The following FAT1 variants were observed in gnomAD, a reference collection of about 807,000 sequenced individuals.
The protein encoded by FAT1 is FAT atypical cadherin 1.
FAT1 carries 171 observed loss-of-function variants against 329.8 expected under a neutral mutation model. The observed-to-expected ratio is 0.52, with a 90% CI of 0.46 to 0.59. FAT1 has a LOEUF of 0.59. Among genes scored for constraint, FAT1 ranks in the 20% least tolerant of loss-of-function variants. The pLI is 0.00. For synonymous variants in FAT1, 2,233 were observed against 2,228.6 expected (o/e 1.00, Z -0.06); for missense variants, 5,672 against 5,774.4 (o/e 0.98, Z 0.57).
intron 1 of FAT1, among the ~76,000 whole-genome samples, chr4:186,712,425 A>C (rs1745003377): frequency 1.3e-5 from 2 of 152,080 alleles, no homozygotes; most frequent in Non-Finnish European, 1.5e-5. Flanking sequence ...TTAATTATTT[A>C]ATTCCTTTTA....
Position 186,601,202 on chromosome 4 carries a change from T to A in FAT1, c.11640+67A>T, listed in dbSNP as rs1579298036. 1.2e-5 allele frequency: 17 copies of A among 1,382,346 alleles called. 2 individuals carry two copies. The East Asian group carries it at 4.0e-4, about 32-fold the overall frequency. 85.6% of individuals were successfully genotyped at this position (1,382,346 alleles called of 1,614,324 possible). On this transcript the variant is annotated intron_variant, in intron 21 of 26. Coordinates refer to ENST00000441802, the MANE Select transcript of FAT1 (RefSeq NM_005245.4). ...TTATTATCTGTGCAAATTAACAATC[T>A]GAATATAAAATGAAATTTATGGTTT...
chr4:186,657,750 T>C (rs1183287110), intron 3 of FAT1, among the ~76,000 whole-genome samples: 2 of 152,224 alleles, frequency 1.3e-5, no homozygotes, highest in African/African-American at 2.4e-5. Flanking sequence ...CCATGGTCTC[T>C]TCTAAAGGAC....
At chr4:186,657,764 CAT>C (rs555463173) in intron 3 of FAT1, among the ~76,000 whole-genome samples, 2 of 152,188 alleles carry the variant, frequency 1.3e-5, no homozygotes, top group South Asian at 2.1e-4. Flanking sequence ...AAAGGACACA[CAT>C]GTCTAAAAGT....
Position 186,633,382 on chromosome 4 carries a change from T to A in FAT1, c.4323+302A>T, listed in dbSNP as rs376002733. On this transcript the variant is annotated intron_variant, in intron 7 of 26. Transcript: ENST00000441802. Reference sequence around the variant, plus strand: ...TCATTCTCAACAGTGATGTACTTGATGTTAACATAGTTTAAAATGAGTGTA... The same window carrying A: ...TCATTCTCAACAGTGATGTACTTGAAGTTAACATAGTTTAAAATGAGTGTA... Among the ~76,000 whole-genome samples, 6 of 152,340 alleles carry A rather than the reference T, an allele frequency of 3.9e-5. No individual in the cohort carries two copies. In the South Asian group the frequency reaches 1.0e-3, roughly 26 times the overall value.
At chr4:186,634,360 A>C (rs753590423) in intron 6 of FAT1, among the ~76,000 whole-genome samples, 1 of 152,238 alleles carries the variant, frequency 6.6e-6, no homozygotes, top group Non-Finnish European at 1.5e-5. Flanking sequence ...TAATGAAACA[A>C]AAGTTTCTAT....
chr4:186,606,888 C>T (rs377375622), intron 16 of FAT1, among the ~76,000 whole-genome samples: 31 of 152,316 alleles, frequency 2.0e-4, no homozygotes, highest in Non-Finnish European at 4.1e-4. Flanking sequence ...TTCTACAGAA[C>T]GTTAGTCCTG....
At chr4:186,658,815 T>G (rs2126608287) in intron 3 of FAT1, among the ~76,000 whole-genome samples, 1 of 152,206 alleles carries the variant, frequency 6.6e-6, no homozygotes, top group East Asian at 1.9e-4. Context: ...AGTTTCCCAC[T>G]TCCACCGGAC....
At chr4:186,609,704 C>T in intron 15 of FAT1, 97 bp downstream of exon 15, 1 of 813,364 alleles carries the variant, frequency 1.2e-6, no homozygotes, top group South Asian at 1.7e-5. Context: ...AAAATATTTA[C>T]AAAGGCCGCT....
chr4:186,638,638 CACACACAT>C (rs550782924), intron 4 of FAT1, among the ~76,000 whole-genome samples: 79 of 146,228 alleles, frequency 5.4e-4, no homozygotes, highest in Admixed American at 9.5e-4. Flanking sequence ...CACACACACA[CACACACAT>C]ACACTGCACA....
chr4:186,643,990 C>T (rs1413550098), intron 3 of FAT1, among the ~76,000 whole-genome samples: 1 of 152,102 alleles, frequency 6.6e-6, no homozygotes, highest in Non-Finnish European at 1.5e-5. Flanking sequence ...TTAAAGGAAA[C>T]TGTACAGAAC....
chr4:186,720,794 C>CCT (rs2126723418), intron 1 of FAT1, among the ~76,000 whole-genome samples: 1 of 152,270 alleles, frequency 6.6e-6, no homozygotes, highest in Admixed American at 6.5e-5. Context: ...GGTAAATGGA[C>CCT]AGATGAATAA....
intron 2 of FAT1, among the ~76,000 whole-genome samples, chr4:186,698,844 G>A (rs1420588069): frequency 6.6e-6 from 1 of 151,782 alleles, no homozygotes; most frequent in Non-Finnish European, 1.5e-5. Context: ...CTCAGCTCAA[G>A]AATCACGTCT....
chr4:186,604,007 T>C, intron 18 of FAT1, 30 bp from the exon 19 acceptor site: 1 of 1,526,076 alleles, frequency 6.6e-7, no homozygotes, highest in South Asian at 1.1e-5. Flanking sequence ...AAATCACCTT[T>C]GTCTATGGCA....
chr4:186,725,553 T>G (rs187436679), upstream of FAT1, among the ~76,000 whole-genome samples: 297 of 151,928 alleles, frequency 2.0e-3, 3 homozygotes, highest in African/African-American at 6.9e-3. This position sits in a 1 kb window ranked among gnomAD's most constrained non-coding sequence, Gnocchi z 5.4. Flanking sequence ...CTGGAAGAAG[T>G]TGCACTTCGT....
intron 11 of FAT1, among the ~76,000 whole-genome samples, chr4:186,614,765 A>G (rs1463421730): frequency 6.9e-6 from 1 of 145,160 alleles, no homozygotes; most frequent in Admixed American, 6.8e-5. Context: ...ATTTTTTGCA[A>G]ATGTTCCTAA....
At chr4:186,675,829 A>G (rs1742931926) in intron 2 of FAT1, among the ~76,000 whole-genome samples, 1 of 148,324 alleles carries the variant, frequency 6.7e-6, no homozygotes, top group South Asian at 2.1e-4. Flanking sequence ...ACACACAATT[A>G]ATTTTTAAAA....
At chr4:186,700,837 T>C (rs1054741424) in intron 2 of FAT1, among the ~76,000 whole-genome samples, 1 of 152,214 alleles carries the variant, frequency 6.6e-6, no homozygotes, top group Admixed American at 6.5e-5. Flanking sequence ...TGCCCGGCTG[T>C]GACACTCAGT....
At chr4:186,624,542 T>C (rs1188414569) in intron 9 of FAT1, among the ~76,000 whole-genome samples, 1 of 152,202 alleles carries the variant, frequency 6.6e-6, no homozygotes, top group African/African-American at 2.4e-5. Context: ...TTTAAAAAGA[T>C]GTAAGAAGAA....
At chr4:186,669,914 T>C (rs1006869312) in intron 2 of FAT1, among the ~76,000 whole-genome samples, 2 of 152,188 alleles carry the variant, frequency 1.3e-5, no homozygotes, top group African/African-American at 4.8e-5. Context: ...CCGCCACTGC[T>C]GGCCCCTGCT....
Sources: allele counts gnomAD v4.1 joint callset (sites outside exome capture counted in the v4.1 genomes callset), GRCh38; gene constraint gnomAD v4.1.1; non-coding constraint Gnocchi (gnomAD v3.1); transcripts MANE v1.5; gene names NCBI Gene and HGNC (gene_info 2026-07-23, HGNC 2026-07-21).